Variants in LAMA5 observed in about 807,000 individuals in gnomAD.
LAMA5 encodes the protein laminin subunit alpha 5.
LAMA5 carries 260 observed loss-of-function variants against 433.4 expected under a neutral mutation model. That is an observed-to-expected ratio of 0.60 (90% CI 0.54 to 0.66). LAMA5 has a LOEUF of 0.66. Among genes scored for constraint, LAMA5 ranks in the 30% least tolerant of loss-of-function variants. The pLI, the probability that LAMA5 is intolerant of heterozygous loss-of-function variation, is 0.00. For synonymous variants in LAMA5, 2,620 were observed against 2,226.6 expected (o/e 1.18, Z -4.97); for missense variants, 5,378 against 5,258.5 (o/e 1.02, Z -0.70).
chr20:62,349,454 G>A (rs1476872099), intron 6 of LAMA5, among the ~76,000 whole-genome samples: 1 of 151,436 alleles, frequency 6.6e-6, no homozygotes, highest in Non-Finnish European at 1.5e-5. Flanking sequence ...CACCTGGAGA[G>A]GTGAAGAGAC....
chr20:62,322,210 T>C (rs751099129), intron 47 of LAMA5, 42 bp from the exon 48 acceptor site: 1 of 1,565,500 alleles, frequency 6.4e-7, no homozygotes, highest in Non-Finnish European at 8.6e-7. Context: ...GCCTGGGACC[T>C]TGGAGCGTAC....
intron 40 of LAMA5, 99 bp downstream of exon 40, chr20:62,326,578 C>T (rs750931761): frequency 1.0e-6 from 1 of 986,436 alleles, no homozygotes. Flanking sequence ...CTGTTTTCCA[C>T]CACGGAGAAT....
At chr20:62,317,957 G>A (rs1244750404) in intron 53 of LAMA5, among the ~76,000 whole-genome samples, 179 bp from the exon 54 acceptor site, 3 of 28,060 alleles carry the variant, frequency 1.1e-4, no homozygotes, top group African/African-American at 3.4e-4. Context: ...GGATGGAGGG[G>A]TAGAGAGAAA....
intron 57 of LAMA5, 130 bp from the exon 58 acceptor site, chr20:62,316,188 A>G (rs776319540): frequency 2.9e-4 from 193 of 668,350 alleles, no homozygotes; most frequent in Admixed American, 3.7e-4. Context: ...GGACACTCAG[A>G]CATGGAGTCC....
intron 62 of LAMA5, 61 bp from the exon 63 acceptor site, chr20:62,313,863 A>C: frequency 7.1e-7 from 1 of 1,407,734 alleles, no homozygotes; most frequent in Non-Finnish European, 9.7e-7. Context: ...GCGAGTGGGC[A>C]CGGAGAGATG....
chr20:62,336,953 G>C, intron 16 of LAMA5, 167 bp from the exon 17 acceptor site: 1 of 718,128 alleles, frequency 1.4e-6, no homozygotes, highest in Non-Finnish European at 2.5e-6. Context: ...TGCTCCCTCC[G>C]CAGCAACGGA....
Position 62,322,628 on chromosome 20 carries a change from C to T in LAMA5, c.6165+30G>A, listed in dbSNP as rs1013182881. 5.9e-6 allele frequency: 8 copies of T among 1,348,378 alleles called. No individual in the cohort carries two copies. The African/African-American group carries it at 1.0e-4, about 17-fold the overall frequency. The allele number at this position is 1,348,378 out of a possible 1,614,324, so 83.5% of individuals were successfully genotyped here. ...CCAACTCTAGTCCCTAGGCCCCACC[C>T]ACCCAGCCCTGCTTACCCCACAGCC... On this transcript the variant is annotated intron_variant, in intron 46 of 79. Transcript: ENST00000252999.
Position 62,328,320 on chromosome 20 carries a change from A to G in LAMA5, c.4573T>C (p.Cys1525Arg). The stretch of plus-strand genomic sequence containing the variant: ...GGCCCTGAGCAGTTACACTCCTCAC[A>G]GCCGACCAGGGGGTGGCAGCCAAAG... The part of the protein sequence containing the change: ...QTFGCHPLVG[C>R]EECNCSGPGI... Residue 1525 changes from cysteine to arginine, a missense_variant, in exon 35 of 80, where the codon TGT becomes CGT. By Grantham distance (180) the Cys-to-Arg change is radical. Transcript: ENST00000252999. 1 of 1,605,174 alleles carries G rather than the reference A, an allele frequency of 6.2e-7. No homozygotes were observed. Among genetic ancestry groups the G allele is most frequent in the Non-Finnish European group, 8.5e-7 (1 of 1,176,588 alleles).
At chr20:62,312,806 G>A (rs1986460490) in intron 66 of LAMA5, 26 bp from the exon 67 acceptor site, 3 of 1,598,132 alleles carry the variant, frequency 1.9e-6, no homozygotes, top group East Asian at 4.6e-5. Flanking sequence ...GGGCTCCAGG[G>A]CCAGCTGTGT....
chr20:62,320,940 G>A (rs1987638850), intron 48 of LAMA5, 50 bp from the exon 49 acceptor site: 9 of 1,567,576 alleles, frequency 5.7e-6, no homozygotes, highest in East Asian at 4.5e-5. Context: ...CAGGCCAGGG[G>A]AGAATGATCA....
In LAMA5 at chr20:62,351,973, C is replaced by T. The variant is rs145049366; in HGVS notation, c.794G>A (p.Arg265His). Residue 265 changes from arginine to histidine, a missense_variant, in exon 5 of 80, where the codon CGT (arginine) becomes CAT (histidine). Arg to His is a conservative substitution (Grantham distance 29). Transcript: ENST00000252999. Reference protein sequence around the residue: ...KATNVRLRFLRTNTLLGHLMG... With the variant: ...KATNVRLRFLHTNTLLGHLMG... Reference sequence around the variant, plus strand: ...GAGATGGCCCAGCAGCGTGTTGGTACGCAGGAAGCGCAGGCGGACGTTGGT... The same window carrying T: ...GAGATGGCCCAGCAGCGTGTTGGTATGCAGGAAGCGCAGGCGGACGTTGGT... The T allele has an allele frequency of 1.6e-5, 25 of 1,612,534 alleles. No individual in the cohort carries two copies. The highest frequency in any genetic ancestry group is 2.2e-5 in the East Asian group (1 of 44,866).
chr20:62,320,927 G>A (rs902276953), intron 48 of LAMA5, 37 bp from the exon 49 acceptor site: 2 of 1,587,218 alleles, frequency 1.3e-6, no homozygotes, highest in Non-Finnish European at 1.7e-6. Flanking sequence ...AGTGTCATTG[G>A]GTCAGGCCAG....
chr20:62,366,955 G>A lies in LAMA5; in HGVS notation c.291C>T (p.Thr97=). 2 of 1,272,020 alleles carry A rather than the reference G, an allele frequency of 1.6e-6. No homozygotes were observed. The highest frequency in any genetic ancestry group is 2.0e-6 in the Non-Finnish European group (2 of 1,010,198). The allele number at this position is 1,272,020 out of a possible 1,614,324, so 78.8% of individuals were successfully genotyped here. Residue 97 remains threonine (T), a synonymous_variant, in exon 1 of 80, where the codon ACC becomes ACT. Coordinates refer to ENST00000252999, the MANE Select transcript of LAMA5 (RefSeq NM_005560.6). ...GPVAGGDPNQ[T]IRGQYCDICT... Reference sequence around the variant, plus strand: ...GGCCCGCCCCTGCGCTCACCCGGATGGTCTGGTTGGGGTCGCCGCCGGCCA... The same window carrying A: ...GGCCCGCCCCTGCGCTCACCCGGATAGTCTGGTTGGGGTCGCCGCCGGCCA...
intron 2 of LAMA5, among the ~76,000 whole-genome samples, chr20:62,358,956 C>A (rs941288797): frequency 6.6e-6 from 1 of 152,174 alleles, no homozygotes; most frequent in Non-Finnish European, 1.5e-5. Context: ...TCACCTGGCA[C>A]TGCTCGCCCC....
chr20:62,333,515 C>T lies in LAMA5; in HGVS notation c.3022-34G>A, dbSNP rs760189960. On this transcript the variant is annotated intron_variant, in intron 24 of 79. Transcript: ENST00000252999. Reference sequence around the variant, plus strand: ...TGGAGGTGGTGCTGAGAGTGGTGGGCCCCACCCCCTGACCCGGCCCCCAGC... The same window carrying T: ...TGGAGGTGGTGCTGAGAGTGGTGGGTCCCACCCCCTGACCCGGCCCCCAGC... 2.5e-6 allele frequency: 4 copies of T among 1,593,202 alleles called. No individual in the cohort carries two copies. The African/African-American group carries it at 4.0e-5, about 16-fold the overall frequency.
chr20:62,320,464 A>G, intron 50 of LAMA5, 95 bp downstream of exon 50: 3 of 909,146 alleles, frequency 3.3e-6, no homozygotes, highest in South Asian at 3.0e-5. Context: ...CACATGTACG[A>G]GGCATGAAGT....
intron 69 of LAMA5, 35 bp downstream of exon 69, chr20:62,312,138 C>G: frequency 6.2e-7 from 1 of 1,609,598 alleles, no homozygotes; most frequent in Non-Finnish European, 8.5e-7. Context: ...ACGGCCACCG[C>G]GGGGTGGGGA....
rs1443947356 is a variant in LAMA5 at position 62,333,923 on chromosome 20, G to A, written c.2856C>T (p.Gly952=). The A allele has an allele frequency of 2.5e-6, 4 of 1,607,548 alleles. No individual in the cohort carries two copies. The highest frequency in any genetic ancestry group is 4.5e-5 in the East Asian group (2 of 44,608). ...VSGRVSVREE[G]RSATCANCTA... is the part of the protein sequence containing the mutation. Reference sequence around the variant, plus strand: ...CACAGTTGGCGCAGGTGGCCGACCTGCCCTCCTCTCGCACAGAGACCCGCC... The same window carrying A: ...CACAGTTGGCGCAGGTGGCCGACCTACCCTCCTCTCGCACAGAGACCCGCC... The change falls in exon 23 of 80, where the codon GGC becomes GGT. Residue 952 remains glycine, a synonymous_variant. Coordinates refer to ENST00000252999, the MANE Select transcript of LAMA5 (RefSeq NM_005560.6).
chr20:62,342,538 G>C (rs1982759048), intron 11 of LAMA5, among the ~76,000 whole-genome samples: 1 of 151,930 alleles, frequency 6.6e-6, no homozygotes, highest in African/African-American at 2.4e-5. Context: ...AATTAGCCGG[G>C]CGTGGTGGCG....
Sources: gnomAD v4.1 joint callset for allele counts (sites outside exome capture counted in the v4.1 genomes callset) on GRCh38, gnomAD v4.1.1 for gene constraint, MANE v1.5 for transcripts, NCBI Gene and HGNC (gene_info 2026-07-23, HGNC 2026-07-21) for gene names.